The following SPOP variants were observed in gnomAD, a reference collection of about 807,000 sequenced individuals.
SPOP encodes the protein speckle type BTB/POZ protein, also known as speckle-type POZ protein.
SPOP carries 11 observed loss-of-function variants against 45.6 expected under a neutral mutation model. The observed-to-expected ratio is 0.24, with a 90% CI of 0.15 to 0.40. The LOEUF (loss-of-function observed/expected upper bound fraction) is 0.40. Among genes scored for constraint, SPOP ranks in the 10% least tolerant of loss-of-function variants. The pLI, the probability that SPOP is intolerant of heterozygous loss-of-function variation, is 1.00. For missense variants in SPOP, 152 were observed against 465.6 expected (o/e 0.33, Z 6.20); for synonymous variants, 166 against 166.3 (o/e 1.00, Z 0.01).
intron 1 of SPOP, among the ~76,000 whole-genome samples, chr17:49,640,337 T>G (rs2072623990): frequency 6.6e-6 from 1 of 151,928 alleles, no homozygotes. Flanking sequence ...TATATAAGTG[T>G]GAGTACATCT....
At chr17:49,639,114 AG>A (rs1248113597) in intron 1 of SPOP, among the ~76,000 whole-genome samples, 2 of 152,386 alleles carry the variant, frequency 1.3e-5, no homozygotes, top group Non-Finnish European at 2.9e-5. Context: ...CTCTGAGGAT[AG>A]AAAGATAGAA....
chr17:49,677,390 C>G (rs530922100), intron 1 of SPOP, among the ~76,000 whole-genome samples: 1 of 152,216 alleles, frequency 6.6e-6, no homozygotes, highest in Admixed American at 6.5e-5. Context: ...TAGGGCAACA[C>G]CAGATGAGAA....
chr17:49,674,261 A>G (rs1054036343), intron 1 of SPOP, among the ~76,000 whole-genome samples: 2 of 152,248 alleles, frequency 1.3e-5, no homozygotes, highest in African/African-American at 4.8e-5. Context: ...ACTTTTTAGA[A>G]TAGTTTGAGT....
At chr17:49,618,511 T>C (rs2072139354) in intron 5 of SPOP, 1 of 455,166 alleles carries the variant, frequency 2.2e-6, no homozygotes, top group African/African-American at 2.0e-5. Context: ...CACCTTCTTA[T>C]TTCACAATTA....
At chr17:49,652,085 A>C (rs2072850545) in intron 1 of SPOP, among the ~76,000 whole-genome samples, 1 of 152,198 alleles carries the variant, frequency 6.6e-6, no homozygotes, top group Non-Finnish European at 1.5e-5. Context: ...CCCTAACCTG[A>C]AAATCTGAAA....
At chr17:49,634,976 T>G (rs6504619) in intron 1 of SPOP, among the ~76,000 whole-genome samples, 1 of 151,942 alleles carries the variant, frequency 6.6e-6, no homozygotes, top group African/African-American at 2.4e-5. Context: ...AGTATTCCCA[T>G]GAGATACTTT....
intron 9 of SPOP, chr17:49,601,421 G>A (rs954512339): frequency 1.3e-5 from 2 of 153,554 alleles, no homozygotes; most frequent in African/African-American, 2.4e-5. Context: ...AACAGACCTA[G>A]TGGAATGAAC....
At chr17:49,605,432 A>G (rs892567882) in intron 8 of SPOP, among the ~76,000 whole-genome samples, 5 of 152,146 alleles carry the variant, frequency 3.3e-5, no homozygotes, top group East Asian at 1.9e-4. Flanking sequence ...GCTCACACCC[A>G]TAATTTCAGC....
rs1156781114 is a variant in SPOP, at chr17:49,647,313, T to TAAAA, written c.-66-24441_-66-24438dup. Reference sequence around the variant, plus strand: ...CTACAGAGTGAGTGAGATGCCGTCTTAAAAAAAAAAAAAAAAAAAAAAAAA... The same window carrying TAAAA: ...CTACAGAGTGAGTGAGATGCCGTCTTAAAAAAAAAAAAAAAAAAAAAAAAAAAAA... On this transcript the variant is annotated intron_variant, in intron 1 of 9. Transcript: ENST00000504102. 2.3e-4 allele frequency among the ~76,000 whole-genome samples: 10 copies of TAAAA among 43,152 alleles called. No homozygotes were observed. In the East Asian group the frequency reaches 2.6e-3, roughly 11 times the overall value. The allele number at this position is 43,152 out of a possible 152,430, so 28.3% of individuals were successfully genotyped here. A position where few individuals can be genotyped will look rare whatever the true frequency, so the allele number is the denominator to read the frequency against.
intron 1 of SPOP, among the ~76,000 whole-genome samples, chr17:49,633,798 T>C (rs1370661382): frequency 1.3e-5 from 2 of 152,308 alleles, no homozygotes; most frequent in East Asian, 3.9e-4. Context: ...ATTTTTGTTT[T>C]ACTTTTAATT....
chr17:49,634,079 G>A (rs867322828), intron 1 of SPOP, among the ~76,000 whole-genome samples: 14 of 151,870 alleles, frequency 9.2e-5, no homozygotes, highest in Middle Eastern at 3.4e-3. Context: ...TCCACACTGG[G>A]AAATACCTGA....
At chr17:49,610,040 G>A (rs1255479316) in intron 6 of SPOP, among the ~76,000 whole-genome samples, 1 of 152,152 alleles carries the variant, frequency 6.6e-6, no homozygotes, top group Non-Finnish European at 1.5e-5. Context: ...TTTTCTCTTG[G>A]AGGAAGTAGG....
At chr17:49,646,733 A>C (rs1297265583) in intron 1 of SPOP, 1 of 152,214 alleles carries the variant, frequency 6.6e-6, no homozygotes, top group Non-Finnish European at 1.5e-5. Context: ...AGGCACACAG[A>C]GCAAGCAAGT....
intron 8 of SPOP, among the ~76,000 whole-genome samples, chr17:49,602,659 C>T (rs897764693): frequency 6.6e-6 from 1 of 152,132 alleles, no homozygotes; most frequent in Non-Finnish European, 1.5e-5. Context: ...AACTAAAGGC[C>T]TCCTTTTAAA....
At chr17:49,644,287 G>A (rs1277243646) in intron 1 of SPOP, among the ~76,000 whole-genome samples, 1 of 152,190 alleles carries the variant, frequency 6.6e-6, no homozygotes, top group Non-Finnish European at 1.5e-5. Context: ...AAATTTCAGA[G>A]CCTCTCATTC....
chr17:49,607,758 C>G, intron 7 of SPOP, 116 bp downstream of exon 7: 1 of 968,114 alleles, frequency 1.0e-6, no homozygotes, highest in South Asian at 1.5e-5. Flanking sequence ...TTTAGGGACT[C>G]ATACTCCATT....
intron 1 of SPOP, among the ~76,000 whole-genome samples, chr17:49,631,080 T>C (rs576817663): frequency 5.9e-5 from 9 of 152,328 alleles, no homozygotes; most frequent in East Asian, 5.8e-4. Context: ...GCAATGTCTA[T>C]CAAAGTAAAA....
chr17:49,611,502 A>G (rs2071971438), intron 5 of SPOP, 45 bp from the exon 6 acceptor site: 1 of 1,558,740 alleles, frequency 6.4e-7, no homozygotes, highest in South Asian at 1.1e-5. Flanking sequence ...GTTACCAGGA[A>G]TTTTTTTGCC....
intron 1 of SPOP, among the ~76,000 whole-genome samples, chr17:49,623,248 T>A (rs1372865667): frequency 1.3e-5 from 2 of 152,098 alleles, no homozygotes; most frequent in African/African-American, 4.8e-5. Context: ...CCTCAGGTGA[T>A]CCACCCTCCT....
Sources: allele counts gnomAD v4.1 joint callset (sites outside exome capture counted in the v4.1 genomes callset), GRCh38; gene constraint gnomAD v4.1.1; transcripts MANE v1.5; gene names NCBI Gene and HGNC (gene_info 2026-07-23, HGNC 2026-07-21).